Variants in DLGAP1 observed in about 807,000 individuals in gnomAD.
The protein encoded by DLGAP1 is DLG associated protein 1.
In DLGAP1, 11 loss-of-function variants were observed where a neutral mutation model predicts 90.8. The observed-to-expected ratio is 0.12, with a 90% CI of 0.08 to 0.20. DLGAP1 has a LOEUF of 0.20. DLGAP1 is among the 10% of genes least tolerant of loss of function. DLGAP1 has a pLI of 1.00. For missense variants in DLGAP1, 1,050 were observed against 1,333.8 expected (o/e 0.79, Z 3.31); for synonymous variants, 558 against 540.7 (o/e 1.03, Z -0.44).
At chr18:4,183,278 G>A (rs1314535967) in intron 1 of DLGAP1, among the ~76,000 whole-genome samples, 1 of 152,040 alleles carries the variant, frequency 6.6e-6, no homozygotes. Flanking sequence ...AAATAGACGA[G>A]TTTAACTCTA....
intron 1 of DLGAP1, among the ~76,000 whole-genome samples, chr18:4,262,821 T>C (rs1598750638): frequency 2.0e-5 from 3 of 152,188 alleles, no homozygotes; most frequent in Admixed American, 2.0e-4. Flanking sequence ...ATATTACTTA[T>C]GTCATAGAAT....
intron 2 of DLGAP1, among the ~76,000 whole-genome samples, chr18:4,088,149 AT>A (rs1415750538): frequency 6.6e-6 from 1 of 151,460 alleles, no homozygotes; most frequent in South Asian, 2.1e-4. Flanking sequence ...TTAAATATGG[AT>A]TTTTTCCTAT....
intron 3 of DLGAP1, among the ~76,000 whole-genome samples, chr18:3,960,562 T>C (rs572410119): frequency 6.6e-6 from 1 of 152,230 alleles, no homozygotes; most frequent in East Asian, 1.9e-4. Context: ...GACCCCCATC[T>C]CTAAAAAAAT....
chr18:4,306,426 AGTGTGT>A (rs60225266), intron 1 of DLGAP1, among the ~76,000 whole-genome samples: 5,050 of 130,248 alleles, frequency 0.039, 107 homozygotes, highest in Middle Eastern at 0.068. Flanking sequence ...AGAAAGTAAG[AGTGTGT>A]GTGTGTGTGT....
chr18:4,097,305 G>A (rs2075698961), intron 2 of DLGAP1, among the ~76,000 whole-genome samples: 1 of 152,158 alleles, frequency 6.6e-6, no homozygotes, highest in Non-Finnish European at 1.5e-5. Context: ...TGTCCTTACT[G>A]CCCCTGGCAC....
intron 5 of DLGAP1, among the ~76,000 whole-genome samples, chr18:3,793,792 C>T (rs80319636): frequency 0.016 from 2,482 of 152,258 alleles, 85 homozygotes; most frequent in African/African-American, 0.057. Context: ...CCCCACTCTG[C>T]GACCCCCTGA....
chr18:3,842,726 A>T (rs887912314), intron 4 of DLGAP1, among the ~76,000 whole-genome samples: 1 of 152,224 alleles, frequency 6.6e-6, no homozygotes, highest in East Asian at 1.9e-4. Flanking sequence ...TAGTGGTGCC[A>T]TTTACAGGGG....
chr18:4,101,277 C>T (rs2075773946), intron 2 of DLGAP1, among the ~76,000 whole-genome samples: 1 of 152,046 alleles, frequency 6.6e-6, no homozygotes, highest in Admixed American at 6.6e-5. Context: ...TGCTGTGTCT[C>T]CGGAAATATG....
intron 4 of DLGAP1, among the ~76,000 whole-genome samples, chr18:3,869,248 C>T (rs1274183764): frequency 3.3e-5 from 5 of 151,770 alleles, no homozygotes; most frequent in African/African-American, 4.8e-5. Flanking sequence ...AAAACCTGAT[C>T]CACTGAGGCT....
intron 2 of DLGAP1, among the ~76,000 whole-genome samples, chr18:4,055,241 C>G (rs1373371379): frequency 6.6e-6 from 1 of 152,148 alleles, no homozygotes; most frequent in Admixed American, 6.5e-5. Context: ...TTGAGAGAGA[C>G]TGGGGACTCT....
At chr18:3,741,413 CCAT>C (rs1208262605) in intron 6 of DLGAP1, among the ~76,000 whole-genome samples, 1 of 150,194 alleles carries the variant, frequency 6.7e-6, no homozygotes, top group Non-Finnish European at 1.5e-5. Context: ...ATTACTATTA[CCAT>C]CACTGTCACC....
intron 2 of DLGAP1, among the ~76,000 whole-genome samples, chr18:4,008,230 C>T (rs1008098835): frequency 6.6e-6 from 1 of 151,192 alleles, no homozygotes; most frequent in Non-Finnish European, 1.5e-5. Flanking sequence ...TATATATACA[C>T]ACACACACAC....
At chr18:3,601,430 A>G (rs554230847) in intron 7 of DLGAP1, among the ~76,000 whole-genome samples, 10 of 151,650 alleles carry the variant, frequency 6.6e-5, no homozygotes, top group Admixed American at 2.0e-4. Flanking sequence ...AACACTTCAC[A>G]TATGCAAGGG....
chr18:4,380,048 A>C (rs762250969), intron 1 of DLGAP1, among the ~76,000 whole-genome samples: 15 of 152,174 alleles, frequency 9.9e-5, no homozygotes, highest in Non-Finnish European at 1.9e-4. Context: ...TATTATTGCT[A>C]ATGTGTTGTA....
At chr18:3,688,656 CACACACACACA>C (rs1567965675) in intron 7 of DLGAP1, among the ~76,000 whole-genome samples, 7 of 111,602 alleles carry the variant, frequency 6.3e-5, no homozygotes, top group African/African-American at 1.2e-4. Context: ...CACACACACA[CACACACACACA>C]CCCTACCAAA....
chr18:3,837,511 T>G (rs1472290632), intron 4 of DLGAP1, among the ~76,000 whole-genome samples: 1 of 152,064 alleles, frequency 6.6e-6, no homozygotes, highest in South Asian at 2.1e-4. Flanking sequence ...TAGACATAAT[T>G]GATAATTTCA....
At chr18:3,989,403 C>G (rs886421934) in intron 3 of DLGAP1, among the ~76,000 whole-genome samples, 9 of 152,114 alleles carry the variant, frequency 5.9e-5, no homozygotes, top group Non-Finnish European at 1.0e-4. Flanking sequence ...GGCTGTGTGT[C>G]AATGAAGAGA....
rs558832503 is a variant in DLGAP1, at chr18:3,500,175, G to T, written c.2725-781C>A. 4.6e-5 allele frequency among the ~76,000 whole-genome samples: 7 copies of T among 152,248 alleles called. No homozygotes were observed. The East Asian group carries it at 1.4e-3, about 29-fold the overall frequency. ...GTGCCATGAAAAGTTGACACAGGATGAAAGAGGTCATTCCTCTTATCAGCA... is the reference window on the plus strand; with the variant it reads ...GTGCCATGAAAAGTTGACACAGGATTAAAGAGGTCATTCCTCTTATCAGCA... On this transcript the variant is annotated intron_variant, in intron 12 of 12. Transcript: ENST00000315677.
intron 1 of DLGAP1, among the ~76,000 whole-genome samples, chr18:4,224,869 G>A (rs979826376): frequency 8.5e-5 from 13 of 152,132 alleles, no homozygotes; most frequent in Non-Finnish European, 1.8e-4. Context: ...TAGCAAGAAA[G>A]TATTTACAGT....
Sources: allele counts gnomAD v4.1 joint callset (sites outside exome capture counted in the v4.1 genomes callset), GRCh38; gene constraint gnomAD v4.1.1; transcripts MANE v1.5; gene names NCBI Gene and HGNC (gene_info 2026-07-23, HGNC 2026-07-21).